The following DPF3 variants were observed in gnomAD, a reference collection of about 807,000 sequenced individuals.
The protein encoded by DPF3 is zinc finger protein DPF3.
In DPF3, 18 loss-of-function variants were observed where a neutral mutation model predicts 56.8. That is an observed-to-expected ratio of 0.32 (90% CI 0.22 to 0.47). The LOEUF is 0.47. Ranked by LOEUF, DPF3 falls within the 20% of genes least tolerant of loss-of-function variation. DPF3 has a pLI of 1.00. For synonymous variants in DPF3, 188 were observed against 180.2 expected, an observed-to-expected ratio of 1.04 and a Z score of -0.35; for missense variants, 403 against 488.8, an observed-to-expected ratio of 0.82 and a Z score of 1.65.
At chr14:72,769,443 A>G (rs796852506) in intron 2 of DPF3, among the ~76,000 whole-genome samples, 9 of 152,338 alleles carry the variant, frequency 5.9e-5, no homozygotes, top group African/African-American at 1.9e-4. Flanking sequence ...GAACTTTGGG[A>G]GGCCGAGGCA....
rs79745696 is a variant in DPF3, at chr14:72,878,517, C to A, written c.32+15540G>T. Among the ~76,000 whole-genome samples the A allele has an allele frequency of 3.1e-3, 472 of 152,260 alleles. 4 individuals carry two copies. Among genetic ancestry groups the A allele is most frequent in the African/African-American group, 0.011 (456 of 41,530 alleles). On this transcript the variant is annotated intron_variant, in intron 1 of 10. Coordinates refer to ENST00000556509, the MANE Select transcript of DPF3 (RefSeq NM_001280542.3). ...ACAGACAGCAGATGTTCACCAGAACCCAGCCTTGGGTTTAAACCATTACAG... is the reference window on the plus strand; with the variant it reads ...ACAGACAGCAGATGTTCACCAGAACACAGCCTTGGGTTTAAACCATTACAG...
At chr14:72,779,291 T>C (rs1172209708) in intron 1 of DPF3, among the ~76,000 whole-genome samples, 1 of 152,216 alleles carries the variant, frequency 6.6e-6, no homozygotes, top group Non-Finnish European at 1.5e-5. Context: ...AATGTCTGCA[T>C]TCACTCTCCT....
At chr14:72,635,371 T>C (rs1446054124) in intron 8 of DPF3, among the ~76,000 whole-genome samples, 2 of 152,214 alleles carry the variant, frequency 1.3e-5, no homozygotes, top group Non-Finnish European at 2.9e-5. Flanking sequence ...GCCTTGGCAC[T>C]GGAAGGACAC....
At chr14:72,756,943 G>GAAAA (rs1166409600) in intron 2 of DPF3, among the ~76,000 whole-genome samples, 1 of 66,582 alleles carries the variant, frequency 1.5e-5, no homozygotes, top group Non-Finnish European at 3.3e-5. Context: ...GAGAAGAGAA[G>GAAAA]AGAAAGGGAG....
chr14:72,663,578 G>C (rs1886317377), intron 8 of DPF3, among the ~76,000 whole-genome samples: 1 of 152,184 alleles, frequency 6.6e-6, no homozygotes, highest in Non-Finnish European at 1.5e-5. Flanking sequence ...TTTGCTTCTA[G>C]CTGAAATGAA....
intron 8 of DPF3, among the ~76,000 whole-genome samples, chr14:72,642,836 A>G (rs1183094374): frequency 6.6e-6 from 1 of 152,244 alleles, no homozygotes. Context: ...GAAGTAAGCC[A>G]AACTGATATG....
chr14:72,861,042 C>T lies in DPF3; in HGVS notation c.32+33015G>A, dbSNP rs61986352. On this transcript the variant is annotated intron_variant, in intron 1 of 10. Coordinates refer to ENST00000556509, the MANE Select transcript of DPF3 (RefSeq NM_001280542.3). ...TTCTCACTATACACACACACACACA[C>T]ACACACACACACACACACACACACA... 6.2e-5 allele frequency among the ~76,000 whole-genome samples: 4 copies of T among 64,998 alleles called. 1 individual carries two copies. In the East Asian group the frequency reaches 3.0e-3, roughly 48 times the overall value. The allele number at this position is 64,998 out of a possible 152,430, so 42.6% of individuals were successfully genotyped here.
intron 6 of DPF3, among the ~76,000 whole-genome samples, chr14:72,696,688 C>T (rs538438522): frequency 4.6e-5 from 7 of 152,298 alleles, no homozygotes; most frequent in Admixed American, 3.9e-4. Flanking sequence ...CAAAAAGCTC[C>T]CTCTATCTCC....
chr14:72,632,625 A>C (rs1377201307), intron 8 of DPF3, among the ~76,000 whole-genome samples: 1 of 148,328 alleles, frequency 6.7e-6, no homozygotes, highest in Non-Finnish European at 1.5e-5. Flanking sequence ...GGAAGGAAGG[A>C]AAGAAGCAGG....
intron 8 of DPF3, among the ~76,000 whole-genome samples, chr14:72,644,127 TC>T (rs1182506366): frequency 1.3e-5 from 2 of 152,178 alleles, no homozygotes; most frequent in Non-Finnish European, 2.9e-5. Flanking sequence ...ACACCTGATG[TC>T]CTTCAACACC....
chr14:72,881,346 T>C (rs1017774130), intron 1 of DPF3, among the ~76,000 whole-genome samples: 11 of 152,004 alleles, frequency 7.2e-5, no homozygotes, highest in African/African-American at 2.7e-4. Flanking sequence ...CTGTTGTTGT[T>C]GTTTTTAACA....
At chr14:72,661,187 A>G in intron 8 of DPF3, 1 of 985,420 alleles carries the variant, frequency 1.0e-6, no homozygotes, top group Non-Finnish European at 1.2e-6. Context: ...TATGATAATT[A>G]TTAGCATTTT....
At chr14:72,846,328 C>CTTTTTTTT (rs10563066) in intron 1 of DPF3, among the ~76,000 whole-genome samples, 1 of 62,432 alleles carries the variant, frequency 1.6e-5, no homozygotes, top group Non-Finnish European at 2.8e-5. Flanking sequence ...CCAGGCTAGT[C>CTTTTTTTT]TTTTTTTTTT....
chr14:72,725,134 C>G (rs1004584098), intron 4 of DPF3, among the ~76,000 whole-genome samples: 1 of 152,148 alleles, frequency 6.6e-6, no homozygotes, highest in Non-Finnish European at 1.5e-5. Context: ...AAACATTTAT[C>G]TAGTGCTGAC....
rs562534279 is a variant in DPF3, at chr14:72,714,413, C to A, written c.604+10G>T. On this transcript the variant is annotated intron_variant, in intron 6 of 10. Coordinates refer to ENST00000556509, the MANE Select transcript of DPF3 (RefSeq NM_001280542.3). ...AGGGAGGAAGGAAGGTGGGACCGGCCCATACTTACTGTCACAGACGTAAGG... is the reference window on the plus strand; with the variant it reads ...AGGGAGGAAGGAAGGTGGGACCGGCACATACTTACTGTCACAGACGTAAGG... 4.3e-6 allele frequency: 7 copies of A among 1,613,702 alleles called. No individual in the cohort carries two copies. The South Asian group carries it at 7.7e-5, about 18-fold the overall frequency.
intron 5 of DPF3, among the ~76,000 whole-genome samples, chr14:72,715,934 G>A (rs1288915241): frequency 6.7e-6 from 1 of 150,136 alleles, no homozygotes; most frequent in Admixed American, 6.7e-5. Context: ...TGTAGGTGCT[G>A]GCAGTCACCC....
At chr14:72,893,021 A>AGGCAGGCAGGCAGGC (rs1567273900) in intron 1 of DPF3, among the ~76,000 whole-genome samples, 16 of 135,560 alleles carry the variant, frequency 1.2e-4, no homozygotes, top group African/African-American at 2.9e-4. Context: ...GGAAGGAAGG[A>AGGCAGGCAGGCAGGC]AGGATGAAAA....
intron 6 of DPF3, among the ~76,000 whole-genome samples, chr14:72,711,537 C>G (rs1358943749): frequency 6.6e-6 from 1 of 152,042 alleles, no homozygotes; most frequent in East Asian, 1.9e-4. Flanking sequence ...GCTCTTTGAG[C>G]CACCTGGACT....
intron 1 of DPF3, among the ~76,000 whole-genome samples, chr14:72,808,092 G>A (rs1372330061): frequency 6.6e-6 from 1 of 152,182 alleles, no homozygotes; most frequent in Non-Finnish European, 1.5e-5. Flanking sequence ...TAAGGATAAG[G>A]TGGGAGTTAG....
Sources: gnomAD v4.1 joint callset for allele counts (sites outside exome capture counted in the v4.1 genomes callset) on GRCh38, gnomAD v4.1.1 for gene constraint, MANE v1.5 for transcripts, NCBI Gene and HGNC (gene_info 2026-07-23, HGNC 2026-07-21) for gene names.